The following EDN1 variants were observed in gnomAD, a reference collection of about 807,000 sequenced individuals.
The protein encoded by EDN1 is endothelin-1.
Under a neutral mutation model 21.7 loss-of-function variants are expected in EDN1, and 11 were observed. That is an observed-to-expected ratio of 0.51 (90% CI 0.32 to 0.84). The LOEUF (loss-of-function observed/expected upper bound fraction) is 0.84. Ranked by LOEUF, EDN1 falls within the 40% of genes least tolerant of loss-of-function variation. The pLI, the probability that EDN1 is intolerant of heterozygous loss-of-function variation, is 0.03. For missense variants in EDN1, 244 were observed against 262.3 expected (o/e 0.93, Z 0.48); for synonymous variants, 85 against 90.6 (o/e 0.94, Z 0.35).
chr6:12,262,435 C>G, the EDN1 span, among the ~76,000 whole-genome samples: 1 of 152,108 alleles, frequency 6.6e-6, no homozygotes, highest in Non-Finnish European at 1.5e-5. Context: ...TCTGGCTTCC[C>G]AGAGAGTAGA....
the EDN1 span, among the ~76,000 whole-genome samples, chr6:12,240,630 GA>G: frequency 6.6e-6 from 1 of 152,202 alleles, no homozygotes; most frequent in South Asian, 2.1e-4. Context: ...CCAGATGCAT[GA>G]ATTTGGTGGA....
chr6:12,244,337 C>G, the EDN1 span, among the ~76,000 whole-genome samples: 2 of 152,204 alleles, frequency 1.3e-5, no homozygotes, highest in African/African-American at 4.8e-5. Flanking sequence ...CAAATGTTGG[C>G]TATACAATAT....
chr6:12,237,644 T>C, the EDN1 span, among the ~76,000 whole-genome samples: 1 of 152,160 alleles, frequency 6.6e-6, no homozygotes, highest in Non-Finnish European at 1.5e-5. Context: ...TAGGACCATA[T>C]GATGACCTGC....
the EDN1 span, among the ~76,000 whole-genome samples, chr6:12,249,378 T>C: frequency 2.0e-5 from 3 of 152,118 alleles, no homozygotes; most frequent in Non-Finnish European, 4.4e-5. Context: ...GATTGTAAAA[T>C]GACTTAAGCA....
the EDN1 span, among the ~76,000 whole-genome samples, chr6:12,260,137 TA>T: frequency 6.6e-6 from 1 of 152,018 alleles, no homozygotes; most frequent in Non-Finnish European, 1.5e-5. Context: ...AAAAAACTCT[TA>T]AAAAACAATA....
At chr6:12,243,933 C>A in the EDN1 span, among the ~76,000 whole-genome samples, 1 of 152,098 alleles carries the variant, frequency 6.6e-6, no homozygotes, top group Admixed American at 6.6e-5. Context: ...TATTTAGTTA[C>A]TCGTGATGGA....
the EDN1 span, among the ~76,000 whole-genome samples, chr6:12,280,272 C>A: frequency 6.6e-6 from 1 of 152,110 alleles, no homozygotes; most frequent in South Asian, 2.1e-4. Flanking sequence ...GCAGCAGGAG[C>A]CTGCTTTTTT....
At chr6:12,269,783 T>C in the EDN1 span, among the ~76,000 whole-genome samples, 1 of 152,050 alleles carries the variant, frequency 6.6e-6, no homozygotes, top group Non-Finnish European at 1.5e-5. Flanking sequence ...TTGGTTATGT[T>C]CTTCTCTGGT....
At chr6:12,271,414 T>A in the EDN1 span, among the ~76,000 whole-genome samples, 1 of 152,178 alleles carries the variant, frequency 6.6e-6, no homozygotes, top group Non-Finnish European at 1.5e-5. Context: ...AATAGACTAT[T>A]TTTAGCTGAT....
chr6:12,261,269 A>G, the EDN1 span, among the ~76,000 whole-genome samples: 1 of 152,204 alleles, frequency 6.6e-6, no homozygotes, highest in Admixed American at 6.5e-5. Flanking sequence ...CTGAAGTATA[A>G]TAAGAGAACC....
At chr6:12,289,312 C>T (rs1762617996), upstream of EDN1, among the ~76,000 whole-genome samples, 1 of 151,968 alleles carries the variant, frequency 6.6e-6, no homozygotes, top group Non-Finnish European at 1.5e-5. Context: ...TGAAGACACC[C>T]CCCCAAAAAA....
At chr6:12,273,066 C>T in the EDN1 span, among the ~76,000 whole-genome samples, 1 of 152,156 alleles carries the variant, frequency 6.6e-6, no homozygotes, top group Non-Finnish European at 1.5e-5. Context: ...TAAATTGTGA[C>T]GACTCTACAG....
At chr6:12,287,688 C>CCTCTCTCTCTCTCT (rs757039157), upstream of EDN1, among the ~76,000 whole-genome samples, 1 of 112,658 alleles carries the variant, frequency 8.9e-6, no homozygotes, top group African/African-American at 3.5e-5. Flanking sequence ...TCTCTCTCTC[C>CCTCTCTCTCTCTCT]CTCTCTCTCT....
At position 12,291,812 on chromosome 6, in the gene EDN1, GA is replaced by G. The variant is rs1762689018; in HGVS notation, c.65-528del. 3.3e-5 allele frequency among the ~76,000 whole-genome samples: 5 copies of G among 152,310 alleles called. No individual in the cohort carries two copies. In the South Asian group the frequency reaches 1.0e-3, roughly 32 times the overall value. On this transcript the variant is annotated intron_variant, in intron 1 of 4. Transcript: ENST00000379375. Reference sequence around the variant, plus strand: ...TCATTTTCCCCACCTAATTTTGAAAGATATACATCATCTGGGGTACCCTGTG... The same window carrying G: ...TCATTTTCCCCACCTAATTTTGAAAGTATACATCATCTGGGGTACCCTGTG...
chr6:12,258,449 C>CAAAAAAAAAAAAAAAAAAAA, the EDN1 span, among the ~76,000 whole-genome samples: 4 of 63,658 alleles, frequency 6.3e-5, no homozygotes, highest in African/African-American at 2.0e-4. Flanking sequence ...GATCATGTCT[C>CAAAAAAAAAAAAAAAAAAAA]AAAAAAAAAA....
the EDN1 span, among the ~76,000 whole-genome samples, chr6:12,282,051 T>C: frequency 6.6e-6 from 1 of 152,104 alleles, no homozygotes; most frequent in African/African-American, 2.4e-5. Context: ...TCTACACATA[T>C]AGGAAAAAAT....
At chr6:12,236,462 G>A in the EDN1 span, among the ~76,000 whole-genome samples, 18 of 152,056 alleles carry the variant, frequency 1.2e-4, no homozygotes, top group African/African-American at 3.6e-4. Context: ...GTTTTGCCAC[G>A]TTGGCTGGGC....
the EDN1 span, among the ~76,000 whole-genome samples, chr6:12,265,090 T>C: frequency 6.6e-6 from 1 of 152,146 alleles, no homozygotes; most frequent in Non-Finnish European, 1.5e-5. Flanking sequence ...GAATATGGGA[T>C]GGAGTATGGC....
At chr6:12,291,185 G>A (rs1762670544) in intron 1 of EDN1, among the ~76,000 whole-genome samples, 1 of 151,386 alleles carries the variant, frequency 6.6e-6, no homozygotes, top group Non-Finnish European at 1.5e-5. Context: ...AAAATCACCT[G>A]CAGAGCAAAA....
Sources: gnomAD v4.1 joint callset for allele counts (sites outside exome capture counted in the v4.1 genomes callset) on GRCh38, gnomAD v4.1.1 for gene constraint, MANE v1.5 for transcripts, NCBI Gene and HGNC (gene_info 2026-07-23, HGNC 2026-07-21) for gene names.